The following TTLL7 variants were observed in gnomAD, a reference collection of about 807,000 sequenced individuals.
TTLL7 encodes tubulin tyrosine ligase like 7, also known as tubulin polyglutamylase TTLL7.
In TTLL7, 53 loss-of-function variants were observed where a neutral mutation model predicts 120.2. The ratio of observed to expected loss-of-function variants is 0.44; its 90% CI spans 0.35 to 0.55. TTLL7 has a LOEUF of 0.55. Ranked by LOEUF, TTLL7 falls within the 20% of genes least tolerant of loss-of-function variation. The pLI is 0.00. For synonymous variants in TTLL7, 353 were observed against 351.7 expected (o/e 1.00, Z -0.04); for missense variants, 803 against 1,054.7 (o/e 0.76, Z 3.31).
chr1:83,935,290 G>A (rs1181622073), intron 8 of TTLL7, among the ~76,000 whole-genome samples: 2 of 152,154 alleles, frequency 1.3e-5, no homozygotes, highest in Non-Finnish European at 2.9e-5. Flanking sequence ...TACGGGCTGA[G>A]AGAGGGGGTG....
intron 18 of TTLL7, among the ~76,000 whole-genome samples, chr1:83,892,371 AATATATATGAATATATAT>A (rs1655614335): frequency 1.1e-4 from 13 of 119,902 alleles, no homozygotes; most frequent in South Asian, 2.5e-4. Context: ...TATATATACG[AATATATATGAATATATAT>A]ACGAATATAT....
At chr1:83,902,179 T>G (rs1656778448) in intron 18 of TTLL7, 1 of 151,808 alleles carries the variant, frequency 6.6e-6, no homozygotes, top group Non-Finnish European at 1.5e-5. Flanking sequence ...CACCTCTCTT[T>G]CCTGGGCCAT....
chr1:83,903,494 A>G (rs989044329), intron 18 of TTLL7, among the ~76,000 whole-genome samples: 2 of 151,740 alleles, frequency 1.3e-5, no homozygotes, highest in Non-Finnish European at 2.9e-5. Context: ...CAGGACCCCC[A>G]CTCCCAGATA....
intron 14 of TTLL7, among the ~76,000 whole-genome samples, chr1:83,915,887 A>T (rs1438848635): frequency 6.6e-6 from 1 of 152,280 alleles, no homozygotes; most frequent in East Asian, 1.9e-4. Flanking sequence ...GACACATGAA[A>T]AAATGCTCAT....
intron 15 of TTLL7, among the ~76,000 whole-genome samples, chr1:83,910,185 A>G (rs745989771): frequency 1.3e-5 from 2 of 152,266 alleles, no homozygotes; most frequent in Middle Eastern, 6.8e-3. Flanking sequence ...TTTATTCCTC[A>G]TGCATTTTGC....
intron 1 of TTLL7, chr1:83,983,942 T>A (rs149158477): frequency 6.6e-6 from 1 of 152,096 alleles, no homozygotes; most frequent in African/African-American, 2.4e-5. Context: ...ATAAACAAAA[T>A]TAGCTGAGTA....
Position 83,942,648 on chromosome 1 carries a change from G to A in TTLL7, c.538C>T (p.Pro180Ser). The change falls in exon 7 of 21, where the codon CCA becomes TCA. Residue 180 changes from proline (P) to serine (S), a missense_variant. Pro to Ser is a moderately conservative substitution (Grantham distance 74, BLOSUM62 -1). Around this residue, in one of 3 missense-constraint regions of TTLL7, gnomAD observed 324 missense variants for 507.7 expected, o/e 0.64. Coordinates refer to ENST00000260505, the MANE Select transcript of TTLL7 (RefSeq NM_024686.6). ...ISLIRNGDKLPSQDHLIVQEY... is the reference protein window; with the variant it reads ...ISLIRNGDKLSSQDHLIVQEY... ...TGAACAATCAAATGATCCTGAGATGGAAGTTTGTCACCATTTCTTATCAAA... is the reference window on the plus strand; with the variant it reads ...TGAACAATCAAATGATCCTGAGATGAAAGTTTGTCACCATTTCTTATCAAA... The A allele has an allele frequency of 6.2e-7, 1 of 1,613,350 alleles. No individual in the cohort carries two copies. Among genetic ancestry groups the A allele is most frequent in the Non-Finnish European group, 8.5e-7 (1 of 1,179,550 alleles).
chr1:83,955,647 T>C (rs114338286), intron 1 of TTLL7, among the ~76,000 whole-genome samples: 6,280 of 152,302 alleles, frequency 0.041, 157 homozygotes, highest in Middle Eastern at 0.099. Flanking sequence ...AAATTTCTAT[T>C]GTTTATAAGT....
chr1:83,924,838 A>G (rs1195880317), intron 10 of TTLL7, among the ~76,000 whole-genome samples: 1 of 152,230 alleles, frequency 6.6e-6, no homozygotes, highest in African/African-American at 2.4e-5. Context: ...TTGAAACTGT[A>G]CCACAAAAGA....
At chr1:83,889,707 A>G (rs1335213307) in intron 19 of TTLL7, among the ~76,000 whole-genome samples, 1 of 152,126 alleles carries the variant, frequency 6.6e-6, no homozygotes, top group East Asian at 1.9e-4. Context: ...TATTAGCACA[A>G]AAGTAAGTAC....
chr1:83,878,467 A>T (rs575612148), intron 20 of TTLL7, among the ~76,000 whole-genome samples: 1 of 151,856 alleles, frequency 6.6e-6, no homozygotes, highest in Non-Finnish European at 1.5e-5. Flanking sequence ...AGGAATCTAG[A>T]GTGTTGACAA....
At chr1:83,951,024 T>C (rs28428523) in intron 3 of TTLL7, among the ~76,000 whole-genome samples, 1 of 151,992 alleles carries the variant, frequency 6.6e-6, no homozygotes, top group Non-Finnish European at 1.5e-5. Flanking sequence ...AAGACTTTAG[T>C]GAGATAAATG....
intron 7 of TTLL7, among the ~76,000 whole-genome samples, chr1:83,939,757 T>C (rs934168315): frequency 6.6e-6 from 1 of 152,186 alleles, no homozygotes; most frequent in Non-Finnish European, 1.5e-5. Flanking sequence ...TCTCCTTATA[T>C]GTAGTTTATG....
chr1:83,903,998 G>T, intron 18 of TTLL7, 81 bp downstream of exon 18: 1 of 1,024,488 alleles, frequency 9.8e-7, no homozygotes, highest in Non-Finnish European at 1.5e-6. Flanking sequence ...CAAATATACA[G>T]TCTGTCTATG....
At chr1:83,930,087 C>T (rs1659470811) in intron 9 of TTLL7, among the ~76,000 whole-genome samples, 2 of 152,090 alleles carry the variant, frequency 1.3e-5, no homozygotes, top group South Asian at 2.1e-4. Flanking sequence ...CACAGGTTCA[C>T]CGCAGAAAAA....
intron 1 of TTLL7, among the ~76,000 whole-genome samples, chr1:83,993,758 A>C (rs1335576816): frequency 6.6e-6 from 1 of 152,216 alleles, no homozygotes; most frequent in Non-Finnish European, 1.5e-5. Flanking sequence ...AGGTGAAAGA[A>C]AAAGGGGGAA....
At chr1:83,986,794 C>A (rs760368554) in intron 1 of TTLL7, among the ~76,000 whole-genome samples, 1 of 152,056 alleles carries the variant, frequency 6.6e-6, no homozygotes, top group East Asian at 1.9e-4. Flanking sequence ...GAGCCAAGAT[C>A]GTGCCACTGC....
rs965412736 is a variant in TTLL7 at position 83,948,949 on chromosome 1, A to T, written c.280-254T>A. 8 of 290,848 alleles carry T rather than the reference A, an allele frequency of 2.8e-5. No homozygotes were observed. The Admixed American group carries it at 2.9e-4, about 11-fold the overall frequency. 18.0% of individuals were successfully genotyped at this position (290,848 alleles called of 1,614,324 possible). A position where few individuals can be genotyped will look rare whatever the true frequency, so the allele number is the denominator to read the frequency against. On this transcript the variant is annotated intron_variant, in intron 4 of 20. Coordinates refer to ENST00000260505, the MANE Select transcript of TTLL7 (RefSeq NM_024686.6). The stretch of plus-strand genomic sequence containing the variant: ...ATAGATAGTAAAGTTATAATTTTCT[A>T]GGTTGAATAGTGATAATTCAATATC...
intron 18 of TTLL7, among the ~76,000 whole-genome samples, chr1:83,899,795 G>C (rs1009238187): frequency 5.3e-5 from 8 of 151,834 alleles, no homozygotes; most frequent in Admixed American, 4.6e-4. Flanking sequence ...TTGTAATAAA[G>C]CTCCTCCCCT....
Sources: gnomAD v4.1 joint callset for allele counts (sites outside exome capture counted in the v4.1 genomes callset) on GRCh38, gnomAD v4.1.1 for gene constraint, gnomAD v4.1.1 regional missense constraint, MANE v1.5 for transcripts, NCBI Gene and HGNC (gene_info 2026-07-23, HGNC 2026-07-21) for gene names.